TENM4: variants seen among roughly 807,000 people sequenced by gnomAD.
TENM4 encodes the protein teneurin-4.
In TENM4, 82 loss-of-function variants were observed where a neutral mutation model predicts 243.3. That is an observed-to-expected ratio of 0.34 (90% confidence interval 0.28 to 0.40). The LOEUF is 0.40. Among genes scored for constraint, TENM4 ranks in the 10% least tolerant of loss-of-function variants. TENM4 has a pLI of 1.00. For synonymous variants in TENM4, 1,412 were observed against 1,456.3 expected, an observed-to-expected ratio of 0.97 and a Z score of 0.69; for missense variants, 3,138 against 3,673.3, an observed-to-expected ratio of 0.85 and a Z score of 3.77.
intron 9 of TENM4, among the ~76,000 whole-genome samples, chr11:78,874,471 C>T (rs1173800379): frequency 6.6e-6 from 1 of 152,050 alleles, no homozygotes; most frequent in Non-Finnish European, 1.5e-5. Flanking sequence ...ATATGTGAAA[C>T]CACCCACACA....
At chr11:79,388,356 A>AAAAAC (rs1590930492) in intron 1 of TENM4, among the ~76,000 whole-genome samples, 1 of 152,256 alleles carries the variant, frequency 6.6e-6, no homozygotes, top group African/African-American at 2.4e-5. Flanking sequence ...TTCACAGACC[A>AAAAAC]AAAACAAAAC....
intron 6 of TENM4, among the ~76,000 whole-genome samples, chr11:79,029,357 T>A (rs1211123993): frequency 6.6e-6 from 1 of 152,188 alleles, no homozygotes; most frequent in Admixed American, 6.6e-5. Flanking sequence ...ATTTGTTTTC[T>A]GGGAGCCGAA....
At chr11:79,290,668 C>A (rs756237055) in intron 2 of TENM4, among the ~76,000 whole-genome samples, 1 of 151,998 alleles carries the variant, frequency 6.6e-6, no homozygotes, top group Non-Finnish European at 1.5e-5. Flanking sequence ...GATGATCTAA[C>A]CATCCAGTGC....
chr11:79,294,826 G>A (rs1469396987), intron 2 of TENM4, among the ~76,000 whole-genome samples: 1 of 152,078 alleles, frequency 6.6e-6, no homozygotes, highest in African/African-American at 2.4e-5. Flanking sequence ...TCCAGCCTGG[G>A]TGACAAGAGT....
chr11:79,419,969 G>A (rs1167025661), intron 1 of TENM4, among the ~76,000 whole-genome samples: 1 of 152,210 alleles, frequency 6.6e-6, no homozygotes, highest in Non-Finnish European at 1.5e-5. Flanking sequence ...GCATGTGTGT[G>A]TGAGTGAGAG....
intron 6 of TENM4, among the ~76,000 whole-genome samples, chr11:78,907,563 T>C (rs1456536361): frequency 1.3e-5 from 2 of 152,170 alleles, no homozygotes; most frequent in Admixed American, 1.3e-4. Context: ...AGGGCACACT[T>C]TCCTACTTCA....
At chr11:79,281,091 G>A (rs1390104015) in intron 2 of TENM4, among the ~76,000 whole-genome samples, 3 of 152,146 alleles carry the variant, frequency 2.0e-5, no homozygotes, top group African/African-American at 4.8e-5. Flanking sequence ...ATGGCGTTAC[G>A]CTCTGCATAT....
chr11:78,960,293 T>A lies in TENM4; in HGVS notation c.494-56770A>T, dbSNP rs950806816. Among the ~76,000 whole-genome samples, 3 of 151,168 alleles carry A rather than the reference T, an allele frequency of 2.0e-5. No homozygotes were observed. The South Asian group carries it at 6.3e-4, about 32-fold the overall frequency. ...AAAAAGGAGGAGGTTTGGGTCTTGG[T>A]CATGGAGAATGCAGGGTGTAAAATC... On this transcript the variant is annotated intron_variant, in intron 6 of 33. Coordinates refer to ENST00000278550, the MANE Select transcript of TENM4 (RefSeq NM_001098816.3).
chr11:78,881,263 T>C (rs1418953923), intron 9 of TENM4, among the ~76,000 whole-genome samples: 4 of 152,150 alleles, frequency 2.6e-5, no homozygotes, highest in African/African-American at 4.8e-5. Context: ...CCTTCCACAC[T>C]CACTCTCTAT....
chr11:78,924,895 C>A (rs1481889401), intron 6 of TENM4: 1 of 152,158 alleles, frequency 6.6e-6, no homozygotes, highest in Non-Finnish European at 1.5e-5. Context: ...TGGTCAGTTG[C>A]CCTCTCGGAA....
chr11:79,217,252 G>A (rs1864069186), intron 2 of TENM4, among the ~76,000 whole-genome samples: 1 of 152,178 alleles, frequency 6.6e-6, no homozygotes. Context: ...AGAAGGAATA[G>A]GAATTTGAAT....
At chr11:78,736,711 C>G (rs945325323) in intron 20 of TENM4, among the ~76,000 whole-genome samples, 12 of 152,118 alleles carry the variant, frequency 7.9e-5, no homozygotes, top group African/African-American at 2.4e-4. Flanking sequence ...ATGTAACAAA[C>G]AGAGATTTTT....
At chr11:79,338,980 G>A (rs940014834) in intron 1 of TENM4, among the ~76,000 whole-genome samples, 17 of 152,342 alleles carry the variant, frequency 1.1e-4, no homozygotes, top group South Asian at 6.2e-4. Flanking sequence ...CCCAAAGGCC[G>A]AGCCTTGAAG....
chr11:79,159,592 G>A (rs755739660), intron 3 of TENM4, among the ~76,000 whole-genome samples: 26 of 152,162 alleles, frequency 1.7e-4, no homozygotes, highest in Admixed American at 1.2e-3. Context: ...ATAATTACAT[G>A]ACTCTTCCAG....
intron 19 of TENM4, among the ~76,000 whole-genome samples, chr11:78,747,122 T>C (rs1398341500): frequency 6.6e-6 from 1 of 151,894 alleles, no homozygotes; most frequent in Non-Finnish European, 1.5e-5. Flanking sequence ...GTAATGGAAA[T>C]AATAATTCAA....
chr11:78,889,062 T>G (rs376976664), intron 9 of TENM4, among the ~76,000 whole-genome samples: 4 of 152,310 alleles, frequency 2.6e-5, no homozygotes, highest in African/African-American at 9.6e-5. Flanking sequence ...ATCAGAAGAC[T>G]GCACAGGGGG....
intron 24 of TENM4, among the ~76,000 whole-genome samples, chr11:78,722,277 G>C (rs1229985363): frequency 9.2e-5 from 14 of 152,200 alleles, no homozygotes; most frequent in Non-Finnish European, 1.8e-4. Context: ...GGTCTTCCAA[G>C]GTGCTAGGAT....
intron 4 of TENM4, among the ~76,000 whole-genome samples, chr11:79,146,422 C>T (rs537164271): frequency 6.6e-6 from 1 of 152,140 alleles, no homozygotes; most frequent in South Asian, 2.1e-4. Flanking sequence ...AATTGCCAGC[C>T]CCATGGCCCA....
chr11:78,662,091 AC>A, intron 32 of TENM4, among the ~76,000 whole-genome samples: 1 of 151,938 alleles, frequency 6.6e-6, no homozygotes, highest in Admixed American at 6.5e-5. Flanking sequence ...CCCACGGGTT[AC>A]AGAGATGGCC....
Sources: allele counts gnomAD v4.1 joint callset (sites outside exome capture counted in the v4.1 genomes callset), GRCh38; gene constraint gnomAD v4.1.1; transcripts MANE v1.5; gene names NCBI Gene and HGNC (gene_info 2026-07-23, HGNC 2026-07-21).